The following SRSF4 variants were observed in gnomAD, a reference collection of about 807,000 sequenced individuals.
SRSF4 encodes serine and arginine rich splicing factor 4.
In SRSF4, 12 loss-of-function variants were observed where a neutral mutation model predicts 48.8. That is an observed-to-expected ratio of 0.25 (90% confidence interval 0.16 to 0.40). SRSF4 has a LOEUF of 0.40. Among genes scored for constraint, SRSF4 ranks in the 10% least tolerant of loss-of-function variants. The pLI is 1.00. For missense variants in SRSF4, 466 were observed against 667.1 expected (o/e 0.70, Z 3.32); for synonymous variants, 248 against 232.5 (o/e 1.07, Z -0.61).
At chr1:29,167,390 T>TTTTGTTTTG (rs146792001) in intron 1 of SRSF4, among the ~76,000 whole-genome samples, 2 of 152,152 alleles carry the variant, frequency 1.3e-5, no homozygotes, top group African/African-American at 4.8e-5. Context: ...ACGCTTTTTG[T>TTTTGTTTTG]TTTTGTTTTT....
chr1:29,173,206 C>G (rs901622377), intron 1 of SRSF4: 1 of 134,288 alleles, frequency 7.4e-6, no homozygotes, highest in Admixed American at 8.4e-5. Context: ...GGTGCGATCT[C>G]GGCTCACTGC....
chr1:29,173,710 A>G (rs1167405230), intron 1 of SRSF4, among the ~76,000 whole-genome samples: 1 of 149,528 alleles, frequency 6.7e-6, no homozygotes, highest in African/African-American at 2.5e-5. Flanking sequence ...CAGCTTCCCA[A>G]AAGTGCTGGG....
chr1:29,179,347 CAA>C (rs1200016627), intron 1 of SRSF4, among the ~76,000 whole-genome samples: 2 of 151,890 alleles, frequency 1.3e-5, no homozygotes, highest in African/African-American at 4.8e-5. Context: ...CATCAAAAAG[CAA>C]AAAAAGTCAG....
chr1:29,161,025 G>A (rs1356370085), intron 1 of SRSF4, among the ~76,000 whole-genome samples: 1 of 152,092 alleles, frequency 6.6e-6, no homozygotes, highest in East Asian at 1.9e-4. Context: ...TCTGTCACAT[G>A]TGATTATCAG....
At chr1:29,154,282 C>G (rs569317335) in intron 4 of SRSF4, among the ~76,000 whole-genome samples, 26 of 152,242 alleles carry the variant, frequency 1.7e-4, no homozygotes, top group Admixed American at 1.0e-3. Flanking sequence ...CCAGGCTGGT[C>G]TCGACTCCTG....
chr1:29,150,578 G>C (rs1424881307), intron 4 of SRSF4, among the ~76,000 whole-genome samples: 1 of 152,072 alleles, frequency 6.6e-6, no homozygotes, highest in Non-Finnish European at 1.5e-5. Flanking sequence ...TTTTCAATAT[G>C]TACAGCACTG....
At chr1:29,171,948 G>C (rs1672750985) in intron 1 of SRSF4, 1 of 152,126 alleles carries the variant, frequency 6.6e-6, no homozygotes, top group Non-Finnish European at 1.5e-5. Context: ...ACAAACTGAA[G>C]GGACCAAGAA....
At chr1:29,158,966 G>C (rs570797652) in intron 3 of SRSF4, among the ~76,000 whole-genome samples, 67 of 152,236 alleles carry the variant, frequency 4.4e-4, no homozygotes, top group African/African-American at 1.6e-3. Context: ...AATTACCCGG[G>C]CATGGTGGCG....
At chr1:29,153,072 T>C (rs1486273147) in intron 4 of SRSF4, among the ~76,000 whole-genome samples, 4 of 152,180 alleles carry the variant, frequency 2.6e-5, no homozygotes, top group South Asian at 2.1e-4. Context: ...CTTGTCACAA[T>C]AGCACGGTTT....
At chr1:29,159,278 C>G in intron 3 of SRSF4, 96 bp downstream of exon 3, 1 of 746,072 alleles carries the variant, frequency 1.3e-6, no homozygotes. Flanking sequence ...ACATATAACA[C>G]TGTATTTTGT....
chr1:29,164,399 T>C (rs768460080), intron 1 of SRSF4, among the ~76,000 whole-genome samples: 14 of 152,266 alleles, frequency 9.2e-5, no homozygotes, highest in Non-Finnish European at 1.8e-4. Context: ...CCTTTGTGCT[T>C]TGCAGCAAGT....
chr1:29,174,977 GTTTT>G lies in SRSF4; in HGVS notation c.107+6665_107+6668del, dbSNP rs758512447. Among the ~76,000 whole-genome samples, 80 of 143,682 alleles carry G rather than the reference GTTTT, an allele frequency of 5.6e-4. 1 individual carries two copies. The South Asian group carries it at 8.9e-3, about 16-fold the overall frequency. 94.3% of individuals were successfully genotyped at this position (143,682 alleles called of 152,430 possible). On this transcript the variant is annotated intron_variant, in intron 1 of 5. Transcript: ENST00000373795. ...GTGAGCCACCACAACTGGCCGGTGGGTTTTTTAATTAAAAAAAAAAAAAAGAAAA... is the reference window on the plus strand; with the variant it reads ...GTGAGCCACCACAACTGGCCGGTGGGTTAATTAAAAAAAAAAAAAAGAAAA...
At position 29,175,694 on chromosome 1, in the gene SRSF4, CAAAAA is replaced by C. The variant is rs60942124; in HGVS notation, c.107+5947_107+5951del. On this transcript the variant is annotated intron_variant, in intron 1 of 5. Transcript: ENST00000373795. ...TGGGCGACAGAGCCAGACGCTGTCTCAAAAAAAAAAAAAAAAAAAAAAAAAAAAAT... is the reference window on the plus strand; with the variant it reads ...TGGGCGACAGAGCCAGACGCTGTCTCAAAAAAAAAAAAAAAAAAAAAAAAT... Among the ~76,000 whole-genome samples, 31 of 38,588 alleles carry C rather than the reference CAAAAA, an allele frequency of 8.0e-4. No homozygotes were observed. In the East Asian group the frequency reaches 0.012, roughly 15 times the overall value. 25.3% of individuals were successfully genotyped at this position (38,588 alleles called of 152,430 possible).
intron 1 of SRSF4, among the ~76,000 whole-genome samples, chr1:29,167,618 T>C (rs930187826): frequency 6.6e-6 from 1 of 152,162 alleles, no homozygotes; most frequent in Non-Finnish European, 1.5e-5. Context: ...CTCCTGACCT[T>C]GTGATATGGC....
chr1:29,154,491 A>G, intron 4 of SRSF4: 2 of 585,468 alleles, frequency 3.4e-6, no homozygotes, highest in East Asian at 6.0e-5. Context: ...AAGGCCTCTG[A>G]TTTCTAAGAG....
chr1:29,160,117 G>GA (rs879593608), intron 2 of SRSF4: 8 of 377,344 alleles, frequency 2.1e-5, no homozygotes, highest in Non-Finnish European at 3.7e-5. Context: ...GCATTACAGA[G>GA]AAAAAAACAA....
intron 1 of SRSF4, among the ~76,000 whole-genome samples, chr1:29,177,455 A>G (rs1672887496): frequency 6.6e-6 from 1 of 151,962 alleles, no homozygotes; most frequent in Non-Finnish European, 1.5e-5. Flanking sequence ...CTAACTTTGT[A>G]TTTTTAGTAG....
chr1:29,162,940 G>T (rs1672620720), intron 1 of SRSF4, among the ~76,000 whole-genome samples: 1 of 152,130 alleles, frequency 6.6e-6, no homozygotes, highest in South Asian at 2.1e-4. Flanking sequence ...AGACCTACAT[G>T]GTAATACATT....
At chr1:29,179,500 T>C (rs1254647353) in intron 1 of SRSF4, among the ~76,000 whole-genome samples, 3 of 152,112 alleles carry the variant, frequency 2.0e-5, no homozygotes, top group Non-Finnish European at 2.9e-5. Flanking sequence ...GCTAGGACTA[T>C]AGGCGAGTGT....
Sources: gnomAD v4.1 joint callset for allele counts (sites outside exome capture counted in the v4.1 genomes callset) on GRCh38, gnomAD v4.1.1 for gene constraint, MANE v1.5 for transcripts, NCBI Gene and HGNC (gene_info 2026-07-23, HGNC 2026-07-21) for gene names.